Variants in SERPINA9 observed in about 807,000 individuals in gnomAD.
The protein encoded by SERPINA9 is serpin A9.
A neutral mutation model predicts 24.5 loss-of-function variants in SERPINA9; 32 were observed. The ratio of observed to expected loss-of-function variants is 1.30; its 90% confidence interval spans 0.98 to 1.75. The LOEUF (loss-of-function observed/expected upper bound fraction) is 1.75, where lower values mean the gene tolerates loss of function less well. Among genes scored for constraint, SERPINA9 ranks in the 40% most tolerant of loss-of-function variants. The probability of loss-of-function intolerance (pLI) is 0.00; values close to 1 mark genes in which losing one functional copy is unlikely to be tolerated. For missense variants in SERPINA9, 594 were observed against 497.1 expected (o/e 1.19, Z -1.85); for synonymous variants, 233 against 197.7 (o/e 1.18, Z -1.50).
rs562308083 is a variant in SERPINA9 at position 94,469,430 on chromosome 14, G to A, written c.411C>T (p.Phe137=). Residue 137 remains phenylalanine, a synonymous_variant, in exon 2 of 5, where the codon TTC becomes TTT. Transcript: ENST00000674397. ...DLTLKMGSAL[F]VKKELQLQAN... is the part of the protein sequence containing the mutation. ...CCTGCAGCTGCAGCTCCTTCTTGAC[G>A]AAGAGGGCACTTCCCATCTTCAAGG... The A allele has an allele frequency of 7.3e-5, 117 of 1,609,268 alleles. No homozygotes were observed. The highest frequency in any genetic ancestry group is 8.9e-5 in the Non-Finnish European group (105 of 1,180,004).
At chr14:94,474,525 C>T (rs942202522) in intron 1 of SERPINA9, among the ~76,000 whole-genome samples, 2 of 152,180 alleles carry the variant, frequency 1.3e-5, no homozygotes, top group Admixed American at 6.5e-5. Flanking sequence ...TCATTGCTCT[C>T]TTGGGGGAAA....
chr14:94,467,671 A>C (rs1314712406), intron 2 of SERPINA9, among the ~76,000 whole-genome samples: 1 of 152,264 alleles, frequency 6.6e-6, no homozygotes, highest in Non-Finnish European at 1.5e-5. Flanking sequence ...AAACCATACC[A>C]GTTTTCTTTC....
At chr14:94,476,052 C>G in intron 1 of SERPINA9, 84 bp downstream of exon 1, 3 of 1,598,296 alleles carry the variant, frequency 1.9e-6, no homozygotes, top group Non-Finnish European at 2.6e-6. Context: ...GCATTTGACA[C>G]TGAAGACCAT....
chr14:94,465,694 A>AT (rs1012981351), intron 3 of SERPINA9, among the ~76,000 whole-genome samples: 8 of 152,014 alleles, frequency 5.3e-5, no homozygotes, highest in African/African-American at 9.7e-5. Flanking sequence ...TGCCCGGCTA[A>AT]TTTTTTTGTA....
At chr14:94,463,364 C>T in intron 4 of SERPINA9, 68 bp from the exon 5 acceptor site, 1 of 1,424,938 alleles carries the variant, frequency 7.0e-7, no homozygotes. Context: ...GTAAACTAAA[C>T]TGAGTGCTTT....
At chr14:94,469,117 A>T in intron 2 of SERPINA9, 96 bp downstream of exon 2, 2 of 1,092,756 alleles carry the variant, frequency 1.8e-6, no homozygotes, top group Non-Finnish European at 2.6e-6. Flanking sequence ...TCCACCCTGC[A>T]GTCTAGGGTT....
chr14:94,475,205 T>C (rs1179600300), intron 1 of SERPINA9, among the ~76,000 whole-genome samples: 1 of 152,310 alleles, frequency 6.6e-6, no homozygotes, highest in East Asian at 1.9e-4. Context: ...CCCTGCCAAG[T>C]GCTGCTGGAA....
chr14:94,473,170 A>T (rs1899407561), intron 1 of SERPINA9, among the ~76,000 whole-genome samples: 1 of 152,166 alleles, frequency 6.6e-6, no homozygotes, highest in African/African-American at 2.4e-5. Flanking sequence ...TGCCCAATGT[A>T]TGGGCTCAGT....
At chr14:94,467,625 G>A (rs1040230222) in intron 2 of SERPINA9, among the ~76,000 whole-genome samples, 3 of 152,170 alleles carry the variant, frequency 2.0e-5, no homozygotes, top group Admixed American at 1.3e-4. Context: ...TAGTTAAATA[G>A]AACAACATAA....
At chr14:94,468,782 G>C in intron 2 of SERPINA9, among the ~76,000 whole-genome samples, 1 of 152,158 alleles carries the variant, frequency 6.6e-6, no homozygotes, top group East Asian at 1.9e-4. Context: ...ACATCAGCTT[G>C]TCTACATTTC....
Position 94,462,996 on chromosome 14 carries a change from A to G in SERPINA9, c.*97T>C. 1 of 1,069,398 alleles carries G rather than the reference A, an allele frequency of 9.4e-7. No homozygotes were observed. Among genetic ancestry groups the G allele is most frequent in the Non-Finnish European group, 1.4e-6 (1 of 698,088 alleles). The allele number at this position is 1,069,398 out of a possible 1,614,324, so 66.2% of individuals were successfully genotyped here. A position where few individuals can be genotyped will look rare whatever the true frequency, so the allele number is the denominator to read the frequency against. ...CATCCCTGCCAGCGAATCCAGCTCCACTGGGGTCAAATGCACCCTCAGAAC... is the reference window on the plus strand; with the variant it reads ...CATCCCTGCCAGCGAATCCAGCTCCGCTGGGGTCAAATGCACCCTCAGAAC... On this transcript the variant is annotated 3_prime_UTR_variant, in exon 5 of 5. Coordinates refer to ENST00000674397, the MANE Select transcript of SERPINA9 (RefSeq NM_175739.4).
chr14:94,475,119 C>G (rs1243485080), intron 1 of SERPINA9, among the ~76,000 whole-genome samples: 1 of 152,104 alleles, frequency 6.6e-6, no homozygotes, highest in Non-Finnish European at 1.5e-5. Context: ...CTGTGCTTCA[C>G]CCCCAGGCCT....
At chr14:94,471,961 T>C (rs1276426467) in intron 1 of SERPINA9, among the ~76,000 whole-genome samples, 22 of 152,134 alleles carry the variant, frequency 1.4e-4, no homozygotes, top group Non-Finnish European at 2.9e-5. Context: ...CTCATCTCCC[T>C]CCTCTGGTCA....
rs2295652 is a variant in SERPINA9 at position 94,463,030 on chromosome 14, G to T, written c.*63C>A. The T allele has an allele frequency of 0.17, 227,535 of 1,360,372 alleles. 21,089 individuals are homozygous for T. Among genetic ancestry groups the T allele is most frequent in the Admixed American group, 0.25 (15,052 of 59,498 alleles). 84.3% of individuals were successfully genotyped at this position (1,360,372 alleles called of 1,614,324 possible). A position where few individuals can be genotyped will look rare whatever the true frequency, so the allele number is the denominator to read the frequency against. ...AAATGCACCCTCAGAACAGAAAGAG[G>T]GATGTGGTTTGTTATTTCTTGTGCA... On this transcript the variant is annotated 3_prime_UTR_variant, in exon 5 of 5. Coordinates refer to ENST00000674397, the MANE Select transcript of SERPINA9 (RefSeq NM_175739.4).
chr14:94,464,912 GCTCCT>G, intron 3 of SERPINA9, 58 bp from the exon 4 acceptor site: 2 of 1,429,556 alleles, frequency 1.4e-6, no homozygotes, highest in Non-Finnish European at 1.9e-6. Flanking sequence ...CTGCATCTCT[GCTCCT>G]AGATGCCATT....
At chr14:94,475,553 G>T (rs955737927) in intron 1 of SERPINA9, among the ~76,000 whole-genome samples, 1 of 151,940 alleles carries the variant, frequency 6.6e-6, no homozygotes. Flanking sequence ...CATCCTCTCT[G>T]CCTATCCCTA....
At chr14:94,465,776 G>A (rs1464019484) in intron 3 of SERPINA9, among the ~76,000 whole-genome samples, 2 of 152,092 alleles carry the variant, frequency 1.3e-5, no homozygotes, top group African/African-American at 2.4e-5. Context: ...CAATCCACCC[G>A]CCTCGGCTTC....
intron 1 of SERPINA9, among the ~76,000 whole-genome samples, chr14:94,473,808 A>C (rs376357849): frequency 1.4e-4 from 22 of 152,344 alleles, no homozygotes; most frequent in East Asian, 1.2e-3. Context: ...AAGCAAGATC[A>C]TGGTTCCCCT....
In SERPINA9 at chr14:94,469,376, C is replaced by G; in HGVS notation, c.465G>C (p.Leu155=). The G allele has an allele frequency of 6.2e-7, 1 of 1,614,220 alleles. No homozygotes were observed. The highest frequency in any genetic ancestry group is 1.7e-5 in the Admixed American group (1 of 60,034). The change falls in exon 2 of 5, where the codon CTG becomes CTC. Residue 155 remains leucine (L), a synonymous_variant. Transcript: ENST00000674397. ...QANFLGNVKR[L]YEAEVFSTDF... ...CTGTAGAAAAGACTTCTGCTTCATA[C>G]AGCCTCTTGACATTGCCCAAGAAAT...
Sources: allele counts gnomAD v4.1 joint callset (sites outside exome capture counted in the v4.1 genomes callset), GRCh38; gene constraint gnomAD v4.1.1; transcripts MANE v1.5; gene names NCBI Gene and HGNC (gene_info 2026-07-23, HGNC 2026-07-21).